The following MTRFR variants were observed in gnomAD, a reference collection of about 807,000 sequenced individuals.
MTRFR encodes mitochondrial translation release factor in rescue.
A neutral mutation model predicts 11.9 loss-of-function variants in MTRFR; 10 were observed. The ratio of observed to expected loss-of-function variants is 0.84; its 90% CI spans 0.52 to 1.42. The LOEUF is 1.42. MTRFR is among the 40% of genes most tolerant of loss of function. The pLI is 0.00. For missense variants in MTRFR, 196 were observed against 197.9 expected, an observed-to-expected ratio of 0.99 and a Z score of 0.06; for synonymous variants, 77 against 79.1, an observed-to-expected ratio of 0.97 and a Z score of 0.14.
intron 1 of MTRFR, among the ~76,000 whole-genome samples, chr12:123,247,802 G>T (rs192217585): frequency 1.3e-3 from 203 of 152,164 alleles, no homozygotes; most frequent in African/African-American, 4.4e-3. Context: ...AAAATTAGCC[G>T]GGCGTGGTAG....
chr12:123,236,788 A>G (rs2047857441), intron 1 of MTRFR, among the ~76,000 whole-genome samples: 1 of 152,092 alleles, frequency 6.6e-6, no homozygotes, highest in African/African-American at 2.4e-5. Flanking sequence ...GTTAGATGCC[A>G]TAAATAGAAC....
In MTRFR at chr12:123,235,927, G is replaced by C. The variant is rs112686692; in HGVS notation, c.-29+2396G>C. 8.0e-4 allele frequency among the ~76,000 whole-genome samples: 122 copies of C among 152,142 alleles called. 2 individuals are homozygous for C. The highest frequency in any genetic ancestry group is 2.8e-3 in the African/African-American group (117 of 41,554). On this transcript the variant is annotated intron_variant, in intron 1 of 2. Coordinates refer to ENST00000253233, the MANE Select transcript of MTRFR (RefSeq NM_152269.5). ...AAGAATACAAAAATTAGCTGGGCGT[G>C]GTGGCTGGTGCCTATAATCCCAGCT...
chr12:123,251,439 C>T (rs1372668411), intron 1 of MTRFR: 1 of 152,276 alleles, frequency 6.6e-6, no homozygotes, highest in Non-Finnish European at 1.5e-5. Flanking sequence ...CTCCTCTGGC[C>T]ACCCTCCCGA....
At chr12:123,247,944 C>CAAAAAAAAAAA (rs1201161319) in intron 1 of MTRFR, among the ~76,000 whole-genome samples, 1 of 142,738 alleles carries the variant, frequency 7.0e-6, no homozygotes, top group Admixed American at 7.0e-5. Context: ...GACTCTGTCT[C>CAAAAAAAAAAA]AAAAAAAAAA....
chr12:123,253,217 T>G (rs1045128755), intron 1 of MTRFR, among the ~76,000 whole-genome samples: 6 of 151,200 alleles, frequency 4.0e-5, no homozygotes, highest in Admixed American at 2.6e-4. Context: ...AATTTTTGTA[T>G]TTTTAGTAGA....
chr12:123,247,673 C>T (rs779190883), intron 1 of MTRFR, among the ~76,000 whole-genome samples: 11 of 152,100 alleles, frequency 7.2e-5, no homozygotes, highest in South Asian at 2.1e-4. Context: ...CAGCTGGGCA[C>T]GGTGGCTCAT....
At chr12:123,245,595 G>A (rs763361598) in intron 1 of MTRFR, among the ~76,000 whole-genome samples, 4 of 152,014 alleles carry the variant, frequency 2.6e-5, no homozygotes, top group Non-Finnish European at 5.9e-5. Context: ...GAGGTCTTTC[G>A]ACTCCTGTGT....
chr12:123,257,334 G>T lies in MTRFR; in HGVS notation c.*303G>T, dbSNP rs995569111. 6 of 295,158 alleles carry T rather than the reference G, an allele frequency of 2.0e-5. No homozygotes were observed. Among genetic ancestry groups the T allele is most frequent in the African/African-American group, 4.5e-5 (2 of 44,856 alleles). The allele number at this position is 295,158 out of a possible 1,614,324, so 18.3% of individuals were successfully genotyped here. ...GTTTGAGACCAGCCTGGCCAACATG[G>T]TGAAACCCCGTCTCTACTAAAAATA... On this transcript the variant is annotated 3_prime_UTR_variant, in exon 3 of 3. Transcript: ENST00000253233.
chr12:123,239,639 T>C (rs1447927399), intron 1 of MTRFR, among the ~76,000 whole-genome samples: 3 of 152,140 alleles, frequency 2.0e-5, no homozygotes, highest in African/African-American at 7.2e-5. Flanking sequence ...CCTGACCTCA[T>C]GATCTGCCCG....
chr12:123,243,661 C>T (rs1381128907), intron 1 of MTRFR, among the ~76,000 whole-genome samples: 2 of 151,938 alleles, frequency 1.3e-5, no homozygotes, highest in Non-Finnish European at 2.9e-5. Context: ...GCCGAGATCG[C>T]GCCACTGTAC....
chr12:123,241,883 C>T (rs142957652), intron 1 of MTRFR, among the ~76,000 whole-genome samples: 70 of 152,260 alleles, frequency 4.6e-4, no homozygotes, highest in East Asian at 2.9e-3. Flanking sequence ...TCATGAAGAA[C>T]GCCACTCAGT....
chr12:123,244,722 T>C (rs1159194867), intron 1 of MTRFR, among the ~76,000 whole-genome samples: 1 of 151,918 alleles, frequency 6.6e-6, no homozygotes. Context: ...AACCTCCGCC[T>C]CATGGGTTCA....
At chr12:123,255,661 A>G (rs766973414) in intron 2 of MTRFR, among the ~76,000 whole-genome samples, 11 of 151,548 alleles carry the variant, frequency 7.3e-5, no homozygotes, top group South Asian at 2.1e-4. Flanking sequence ...GTCTTGCTCT[A>G]TTGCCCAGGC....
intron 1 of MTRFR, chr12:123,249,589 C>G (rs1331746771): frequency 6.5e-6 from 1 of 153,576 alleles, no homozygotes; most frequent in East Asian, 1.9e-4. Context: ...TGCCTGGGGC[C>G]GGCGGCACCA....
chr12:123,237,164 AAAAT>A (rs2047864407), intron 1 of MTRFR, among the ~76,000 whole-genome samples: 1 of 152,214 alleles, frequency 6.6e-6, no homozygotes, highest in Non-Finnish European at 1.5e-5. Context: ...TGCTTAAAAA[AAAAT>A]AAACGGGGCC....
Position 123,256,760 on chromosome 12 carries a change from G to A in MTRFR, c.283-53G>A. Reference sequence around the variant, plus strand: ...TGAATTTAATGACTTCTGAGGTCCTGTCCATTTTTAACATCCTGTGGTTTT... The same window carrying A: ...TGAATTTAATGACTTCTGAGGTCCTATCCATTTTTAACATCCTGTGGTTTT... On this transcript the variant is annotated intron_variant, in intron 2 of 2. Transcript: ENST00000253233. The A allele has an allele frequency of 2.9e-6, 4 of 1,387,358 alleles. No homozygotes were observed. The South Asian group carries it at 3.5e-5, about 12-fold the overall frequency. The allele number at this position is 1,387,358 out of a possible 1,614,324, so 85.9% of individuals were successfully genotyped here.
chr12:123,250,466 G>C (rs2048099185), intron 1 of MTRFR: 1 of 152,132 alleles, frequency 6.6e-6, no homozygotes, highest in Non-Finnish European at 1.5e-5. Context: ...CATATTACCA[G>C]GGTTTGTTCA....
chr12:123,250,457 A>T (rs1331395084), intron 1 of MTRFR: 1 of 152,036 alleles, frequency 6.6e-6, no homozygotes, highest in Admixed American at 6.6e-5. Context: ...TTGTTTTGTC[A>T]TATTACCAGG....
chr12:123,252,786 G>T (rs2048129761), intron 1 of MTRFR, among the ~76,000 whole-genome samples: 2 of 151,906 alleles, frequency 1.3e-5, no homozygotes, highest in African/African-American at 4.8e-5. Context: ...TTAGCCGGGT[G>T]TGGTGGCACA....
Sources: gnomAD v4.1 joint callset for allele counts (sites outside exome capture counted in the v4.1 genomes callset) on GRCh38, gnomAD v4.1.1 for gene constraint, MANE v1.5 for transcripts, NCBI Gene and HGNC (gene_info 2026-07-23, HGNC 2026-07-21) for gene names.